The following PARP12 variants were observed in gnomAD, a reference collection of about 807,000 sequenced individuals.
The protein encoded by PARP12 is protein mono-ADP-ribosyltransferase PARP12.
A neutral mutation model predicts 72.4 loss-of-function variants in PARP12; 59 were observed. The ratio of observed to expected loss-of-function variants is 0.81; its 90% CI spans 0.66 to 1.01. PARP12 has a LOEUF of 1.01. Ranked by LOEUF, PARP12 falls within the 50% of genes least tolerant of loss-of-function variation. The probability of loss-of-function intolerance (pLI) is 0.00; values close to 1 mark genes in which losing one functional copy is unlikely to be tolerated. For missense variants in PARP12, 851 were observed against 914.0 expected (o/e 0.93, Z 0.89); for synonymous variants, 403 against 371.4 (o/e 1.09, Z -0.98).
chr7:140,051,157 T>C (rs1475621261), intron 4 of PARP12, among the ~76,000 whole-genome samples: 1 of 152,164 alleles, frequency 6.6e-6, no homozygotes, highest in East Asian at 1.9e-4. Flanking sequence ...TCTGTGTTAA[T>C]ATTACATATG....
intron 8 of PARP12, among the ~76,000 whole-genome samples, chr7:140,031,372 C>CATAA (rs3082658): frequency 0.02 from 3,016 of 152,040 alleles, 41 homozygotes; most frequent in Non-Finnish European, 0.031. Context: ...GACCCTGTCT[C>CATAA]ATAAATAAAT....
At chr7:140,046,860 A>G (rs1420707515) in intron 5 of PARP12, 24 bp downstream of exon 5, 1 of 1,602,490 alleles carries the variant, frequency 6.2e-7, no homozygotes, top group Non-Finnish European at 8.5e-7. Flanking sequence ...GGCACAAAGC[A>G]GAGACAAGGG....
Position 140,025,637 on chromosome 7 carries a change from T to C in PARP12, c.1780+560A>G, listed in dbSNP as rs1585078361. 3 of 434,652 alleles carry C rather than the reference T, an allele frequency of 6.9e-6. No homozygotes were observed. In the East Asian group the frequency reaches 2.1e-4, roughly 31 times the overall value. 26.9% of individuals were successfully genotyped at this position (434,652 alleles called of 1,614,324 possible). On this transcript the variant is annotated intron_variant, in intron 11 of 11. Transcript: ENST00000263549. ...AGAGAAAGAGAGAAGTGGCAGCATG[T>C]TAAAACCAATGAACGCAGGTAAAAT...
chr7:140,051,686 C>T (rs1389919252), intron 4 of PARP12, among the ~76,000 whole-genome samples: 2 of 152,054 alleles, frequency 1.3e-5, no homozygotes, highest in African/African-American at 4.8e-5. Context: ...CCACCATGAC[C>T]GACCTAAAGA....
intron 4 of PARP12, among the ~76,000 whole-genome samples, chr7:140,048,462 G>A (rs1247460768): frequency 6.6e-6 from 1 of 152,134 alleles, no homozygotes; most frequent in Non-Finnish European, 1.5e-5. Flanking sequence ...TGAGAGGACA[G>A]GGAGAAAGGA....
At chr7:140,058,941 C>A (rs1481180861) in intron 1 of PARP12, among the ~76,000 whole-genome samples, 1 of 151,548 alleles carries the variant, frequency 6.6e-6, no homozygotes, top group Non-Finnish European at 1.5e-5. Context: ...ACTAAAAATA[C>A]AAAATTAGCC....
intron 8 of PARP12, among the ~76,000 whole-genome samples, chr7:140,029,964 C>T (rs76730354): frequency 7.2e-5 from 11 of 152,290 alleles, no homozygotes; most frequent in Non-Finnish European, 1.5e-4. Context: ...AGAGGAGAGA[C>T]AAGACAGTGG....
intron 4 of PARP12, among the ~76,000 whole-genome samples, chr7:140,048,286 T>C (rs1347787373): frequency 2.6e-5 from 4 of 152,200 alleles, no homozygotes; most frequent in Non-Finnish European, 4.4e-5. Flanking sequence ...ACCAACCCCA[T>C]GTTCCTCCTG....
intron 7 of PARP12, among the ~76,000 whole-genome samples, chr7:140,036,004 GGAGGAGAAGGAGGAGA>G (rs1816170885): frequency 7.9e-5 from 4 of 50,892 alleles, no homozygotes; most frequent in Non-Finnish European, 6.8e-5. Flanking sequence ...AGGAGGAGAA[GGAGGAGAAGGAGGAGA>G]AGGAGGAGAA....
chr7:140,030,584 C>T (rs750777372), intron 8 of PARP12, among the ~76,000 whole-genome samples: 3 of 150,618 alleles, frequency 2.0e-5, no homozygotes, highest in South Asian at 2.1e-4. Flanking sequence ...GGCGACAGTG[C>T]GACTCCATCT....
rs1183276813 is a variant in PARP12, at chr7:140,024,184, G to C, written c.*376C>G. 2.2e-5 allele frequency: 7 copies of C among 315,292 alleles called. No individual in the cohort carries two copies. Among genetic ancestry groups the C allele is most frequent in the Admixed American group, 4.6e-5 (1 of 21,744 alleles). The allele number at this position is 315,292 out of a possible 1,614,324, so 19.5% of individuals were successfully genotyped here. A position where few individuals can be genotyped will look rare whatever the true frequency, so the allele number is the denominator to read the frequency against. On this transcript the variant is annotated 3_prime_UTR_variant, in exon 12 of 12. Coordinates refer to ENST00000263549, the MANE Select transcript of PARP12 (RefSeq NM_022750.4). ...CATTCTGGAAAAACTATGATGCCAT[G>C]AGACTCTGAGAAACCGAATCACTGC...
chr7:140,057,284 A>C, intron 2 of PARP12, 131 bp from the exon 3 acceptor site: 1 of 867,804 alleles, frequency 1.2e-6, no homozygotes, highest in Non-Finnish European at 1.8e-6. Flanking sequence ...GAACACAGCT[A>C]TTACATCCCT....
Position 140,024,688 on chromosome 7 carries a change from T to G in PARP12, c.1978A>C (p.Ile660Leu), listed in dbSNP as rs767557480. ...SCVNSVSDPSIFVIFEKHQVY... is the reference protein window; with the variant it reads ...SCVNSVSDPSLFVIFEKHQVY... The stretch of plus-strand genomic sequence containing the variant: ...TGGTGTTTCTCAAAGATCACAAAGA[T>G]GGAGGGGTCGGACACACTGTTCACG... Residue 660 changes from isoleucine (I) to leucine (L), a missense_variant, in exon 12 of 12, where the codon ATC becomes CTC. Physicochemically the swap from Ile to Leu is conservative, Grantham distance 5 (BLOSUM62 2). Transcript: ENST00000263549. 1 of 1,614,098 alleles carries G rather than the reference T, an allele frequency of 6.2e-7. No homozygotes were observed. Among genetic ancestry groups the G allele is most frequent in the Admixed American group, 1.7e-5 (1 of 60,006 alleles).
intron 8 of PARP12, among the ~76,000 whole-genome samples, chr7:140,030,155 A>C (rs767416539): frequency 3.9e-5 from 6 of 152,212 alleles, no homozygotes; most frequent in Non-Finnish European, 8.8e-5. Flanking sequence ...ACTGTCAAAG[A>C]AGCACCTGTT....
intron 7 of PARP12, among the ~76,000 whole-genome samples, chr7:140,037,311 G>A (rs1291093242): frequency 6.6e-6 from 1 of 152,344 alleles, no homozygotes; most frequent in Admixed American, 6.5e-5. Flanking sequence ...GTGACAGAGC[G>A]AGACTCCGTC....
intron 1 of PARP12, among the ~76,000 whole-genome samples, chr7:140,061,637 C>G (rs1280542476): frequency 1.3e-5 from 2 of 152,144 alleles, no homozygotes; most frequent in Non-Finnish European, 2.9e-5. Flanking sequence ...CCATTTTACC[C>G]GCCCCATCAC....
At chr7:140,050,805 C>T (rs1305994811) in intron 4 of PARP12, among the ~76,000 whole-genome samples, 1 of 151,682 alleles carries the variant, frequency 6.6e-6, no homozygotes, top group Non-Finnish European at 1.5e-5. Flanking sequence ...AAACACAAAC[C>T]ATAAAAGAAA....
chr7:140,033,182 TG>T, intron 8 of PARP12: 2 of 985,186 alleles, frequency 2.0e-6, no homozygotes, highest in Non-Finnish European at 2.4e-6. Context: ...TGTGAGTCAC[TG>T]CACCCAGCGC....
Position 140,034,258 on chromosome 7 carries a change from C to G in PARP12, c.1398G>C (p.Gln466His). ...ACCAGGTTTGCATGGTCGTCACATC[C>G]TGGGGAGACACGTATTTGGGTCTGC... is the stretch of plus-strand genomic sequence containing the variant. Reference protein sequence around the residue: ...VCRRPKYVSPQDVTTMQTCNT... With the variant: ...VCRRPKYVSPHDVTTMQTCNT... The change falls in exon 8 of 12, where the codon CAG (glutamine) becomes CAC (histidine). Residue 466 changes from glutamine (Q) to histidine (H), a missense_variant. By Grantham distance (24) the Gln-to-His change is conservative. This residue lies in a region of PARP12 where 347 missense variants were observed against 396.1 expected (regional missense o/e 0.88). Transcript: ENST00000263549. The G allele has an allele frequency of 6.2e-7, 1 of 1,613,200 alleles. No homozygotes were observed. The highest frequency in any genetic ancestry group is 8.5e-7 in the Non-Finnish European group (1 of 1,179,456).
Sources: gnomAD v4.1 joint callset for allele counts (sites outside exome capture counted in the v4.1 genomes callset) on GRCh38, gnomAD v4.1.1 for gene constraint, gnomAD v4.1.1 regional missense constraint, MANE v1.5 for transcripts, NCBI Gene and HGNC (gene_info 2026-07-23, HGNC 2026-07-21) for gene names.